Variants in POM121 observed in about 807,000 individuals in gnomAD.
POM121 encodes nuclear envelope pore membrane protein POM 121.
In POM121, 32 loss-of-function variants were observed where a neutral mutation model predicts 81.3. The observed-to-expected ratio is 0.39, with a 90% CI of 0.30 to 0.53. The LOEUF is 0.53. POM121 is among the 20% of genes least tolerant of loss of function. The pLI is 0.66. For missense variants in POM121, 1,138 were observed against 1,614.6 expected (o/e 0.70, Z 5.06); for synonymous variants, 514 against 694.2 (o/e 0.74, Z 4.08).
chr7:72,904,000 C>T (rs1792977033), intron 3 of POM121, among the ~76,000 whole-genome samples: 1 of 152,158 alleles, frequency 6.6e-6, no homozygotes, highest in African/African-American at 2.4e-5. Flanking sequence ...ACGGGGGTTT[C>T]ACCATGTTGG....
chr7:72,896,119 T>C (rs1465231620), intron 3 of POM121, among the ~76,000 whole-genome samples: 1 of 151,856 alleles, frequency 6.6e-6, no homozygotes, highest in African/African-American at 2.4e-5. Context: ...TAGCCCGTTG[T>C]CAATCTTTGG....
chr7:72,879,820 C>T (rs1205677550), exon 1 of POM121: 2 of 503,984 alleles, frequency 4.0e-6, no homozygotes, highest in East Asian at 5.7e-5. Context: ...GACGCGCGCG[C>T]CAGCGACAGC....
intron 3 of POM121, among the ~76,000 whole-genome samples, chr7:72,912,592 T>A (rs1360594833): frequency 7.2e-5 from 11 of 152,082 alleles, no homozygotes; most frequent in Admixed American, 6.6e-4. Context: ...CTGGCCAACA[T>A]GGTGAAACCC....
chr7:72,895,088 A>G (rs1235154176), intron 3 of POM121, among the ~76,000 whole-genome samples: 5 of 152,154 alleles, frequency 3.3e-5, no homozygotes, highest in African/African-American at 1.2e-4. Context: ...TCCACCTTCC[A>G]AAGTGTTGGG....
At chr7:72,929,407 T>A (rs1427764889) in intron 4 of POM121, among the ~76,000 whole-genome samples, 1 of 152,216 alleles carries the variant, frequency 6.6e-6, no homozygotes, top group Non-Finnish European at 1.5e-5. Context: ...ACAGGTTGGA[T>A]GACTGTCCTA....
intron 3 of POM121, 36 bp downstream of exon 3, chr7:72,926,999 G>A (rs782303819): frequency 8.1e-6 from 13 of 1,613,756 alleles, no homozygotes; most frequent in African/African-American, 1.3e-5. Context: ...CCGGTTTCGC[G>A]CTTGGACTCC....
chr7:72,928,550 GT>G lies in POM121; in HGVS notation c.1103+91del, dbSNP rs200459647. ...TGTTGCCCTATAGATTTTCCTCTTTGTTTTTTGCATTGCTTAATTGGTTCAG... is the reference window on the plus strand; with the variant it reads ...TGTTGCCCTATAGATTTTCCTCTTTGTTTTTGCATTGCTTAATTGGTTCAG... On this transcript the variant is annotated intron_variant, in intron 4 of 12. Coordinates refer to ENST00000434423, the MANE Select transcript of POM121 (RefSeq NM_001387691.1). 2,529 of 1,490,720 alleles carry G rather than the reference GT, an allele frequency of 1.7e-3. 46 individuals carry two copies. In the African/African-American group the frequency reaches 0.032, roughly 19 times the overall value. 92.3% of individuals were successfully genotyped at this position (1,490,720 alleles called of 1,614,324 possible).
At chr7:72,920,345 CTTTTT>C (rs781909518), upstream of POM121, among the ~76,000 whole-genome samples, 1 of 112,540 alleles carries the variant, frequency 8.9e-6, no homozygotes. Flanking sequence ...GAGTAATGGT[CTTTTT>C]TTTTTTTTTT....
chr7:72,936,170 C>T (rs1796485448), intron 5 of POM121, among the ~76,000 whole-genome samples: 1 of 152,156 alleles, frequency 6.6e-6, no homozygotes, highest in Non-Finnish European at 1.5e-5. Context: ...TCATTACAGT[C>T]TCCTTTGGCA....
Position 72,947,437 on chromosome 7 carries a change from A to AT in POM121, c.*1208dup. On this transcript the variant is annotated 3_prime_UTR_variant, in exon 13 of 13. Coordinates refer to ENST00000434423, the MANE Select transcript of POM121 (RefSeq NM_001387691.1). ...TAATGAACCATATTTTTAAAATCCT[A>AT]TTTTTCCCAAACAGGGCCCTCTGCA... 1 of 898,370 alleles carries AT rather than the reference A, an allele frequency of 1.1e-6. No homozygotes were observed. The highest frequency in any genetic ancestry group is 1.3e-6 in the Non-Finnish European group (1 of 751,810). The allele number at this position is 898,370 out of a possible 1,614,324, so 55.6% of individuals were successfully genotyped here. A position where few individuals can be genotyped will look rare whatever the true frequency, so the allele number is the denominator to read the frequency against.
rs1586175765 is a variant in POM121 at position 72,938,690 on chromosome 7, C to T, written c.1367+9C>T. On this transcript the variant is annotated intron_variant, in intron 6 of 12. Coordinates refer to ENST00000434423, the MANE Select transcript of POM121 (RefSeq NM_001387691.1). ...CCAGCAAAGAAAATAAGGTACTTGG[C>T]ATTCTCCTGCAGTTTTCATTTGCTG... is the stretch of plus-strand genomic sequence containing the variant. 3 of 1,612,352 alleles carry T rather than the reference C, an allele frequency of 1.9e-6. No homozygotes were observed. Among genetic ancestry groups the T allele is most frequent in the Middle Eastern group, 1.7e-4 (1 of 6,054 alleles).
chr7:72,936,369 C>G (rs1322606852), intron 5 of POM121, among the ~76,000 whole-genome samples: 1 of 151,414 alleles, frequency 6.6e-6, no homozygotes, highest in Admixed American at 6.6e-5. Flanking sequence ...GAGTCTTGCT[C>G]TGTCTCCCAG....
intron 4 of POM121, among the ~76,000 whole-genome samples, chr7:72,919,920 C>T (rs560149691): frequency 1.3e-5 from 2 of 152,308 alleles, no homozygotes; most frequent in South Asian, 4.1e-4. Context: ...TCATTCTTAT[C>T]TTTGTTCCTG....
intron 10 of POM121, among the ~76,000 whole-genome samples, chr7:72,941,391 G>A (rs1255680728): frequency 5.3e-5 from 8 of 150,186 alleles, no homozygotes; most frequent in South Asian, 2.1e-4. Flanking sequence ...TGGTGTTCCC[G>A]GCCCAGGCCT....
intron 3 of POM121, among the ~76,000 whole-genome samples, chr7:72,900,142 A>T (rs1792452706): frequency 6.6e-6 from 1 of 152,170 alleles, no homozygotes; most frequent in African/African-American, 2.4e-5. Flanking sequence ...TTCTGATGGC[A>T]TTTGGATAAT....
At position 72,925,163 on chromosome 7, in the gene POM121, G is replaced by C; in HGVS notation, c.42G>C (p.Arg14=). The C allele has an allele frequency of 6.7e-7, 1 of 1,485,466 alleles. No homozygotes were observed. The allele number at this position is 1,485,466 out of a possible 1,614,324, so 92.0% of individuals were successfully genotyped here. A position where few individuals can be genotyped will look rare whatever the true frequency, so the allele number is the denominator to read the frequency against. ...AAAAAGAGER[R]RPIASVRDGR... is the part of the protein sequence containing the mutation. ...CGGCGGCTGGAGCAGGCGAGCGGCG[G>C]CGGCCCATAGCGAGTGTCAGGGACG... Residue 14 remains arginine (R), a synonymous_variant, in exon 1 of 13, where the codon CGG becomes CGC. Coordinates refer to ENST00000434423, the MANE Select transcript of POM121 (RefSeq NM_001387691.1).
At chr7:72,941,344 G>A (rs374715) in intron 10 of POM121, among the ~76,000 whole-genome samples, 52 of 151,580 alleles carry the variant, frequency 3.4e-4, no homozygotes, top group African/African-American at 9.9e-4. Flanking sequence ...GTCCAGAACA[G>A]CACTGCTTCC....
Position 72,945,596 on chromosome 7 carries a change from C to A in POM121, c.3540C>A (p.Thr1180=). The A allele has an allele frequency of 6.2e-7, 1 of 1,613,360 alleles. No individual in the cohort carries two copies. The highest frequency in any genetic ancestry group is 8.5e-7 in the Non-Finnish European group (1 of 1,179,662). Residue 1180 remains threonine, a synonymous_variant, in exon 12 of 13, where the codon ACC becomes ACA. Transcript: ENST00000434423. The part of the protein sequence containing the change: ...ESKPVFGGTA[T]PTFGLNTPAP... Reference sequence around the variant, plus strand: ...TTCTCTTCATTCCAGGCACCGCCACCCCCACCTTTGGTCTGAACACCCCTG... The same window carrying A: ...TTCTCTTCATTCCAGGCACCGCCACACCCACCTTTGGTCTGAACACCCCTG...
rs560513151 is a variant in POM121, at chr7:72,901,358, A to AT, written c.-216+10262dup. The stretch of plus-strand genomic sequence containing the variant: ...TCCTGAGTAGCTAGGACTCAGGCTA[A>AT]TTTTTTTTTTTTTTGAGACAGAGTC... On this transcript the variant is annotated intron_variant, in intron 3 of 15. Transcript: ENST00000395270. Among the ~76,000 whole-genome samples the AT allele has an allele frequency of 8.6e-3, 1,191 of 138,172 alleles. 12 individuals are homozygous for AT. The highest frequency in any genetic ancestry group is 0.026 in the South Asian group (111 of 4,322). 90.6% of individuals were successfully genotyped at this position (138,172 alleles called of 152,430 possible). A position where few individuals can be genotyped will look rare whatever the true frequency, so the allele number is the denominator to read the frequency against.
Sources: allele counts gnomAD v4.1 joint callset (sites outside exome capture counted in the v4.1 genomes callset), GRCh38; gene constraint gnomAD v4.1.1; transcripts MANE v1.5; gene names NCBI Gene and HGNC (gene_info 2026-07-23, HGNC 2026-07-21).